The following ENTHD1 variants were observed in gnomAD, a reference collection of about 807,000 sequenced individuals.
The protein encoded by ENTHD1 is ENTH domain containing 1.
ENTHD1 carries 23 observed loss-of-function variants against 39.1 expected under a neutral mutation model. The observed-to-expected ratio is 0.59, with a 90% CI of 0.42 to 0.83. ENTHD1 has a LOEUF of 0.83. Among genes scored for constraint, ENTHD1 ranks in the 40% least tolerant of loss-of-function variants. ENTHD1 has a pLI of 0.00. For missense variants in ENTHD1, 624 were observed against 705.4 expected (o/e 0.88, Z 1.31); for synonymous variants, 230 against 258.2 (o/e 0.89, Z 1.05).
intron 2 of ENTHD1, chr22:39,876,229 T>G (rs1238805751): frequency 8.3e-7 from 1 of 1,199,798 alleles, no homozygotes; most frequent in Non-Finnish European, 1.1e-6. Context: ...GAATTGATGA[T>G]GTATTTGCAA....
chr22:39,793,329 G>A (rs2146604338), intron 5 of ENTHD1, among the ~76,000 whole-genome samples: 1 of 147,558 alleles, frequency 6.8e-6, no homozygotes, highest in African/African-American at 2.5e-5. Flanking sequence ...CTTTTTAATG[G>A]GATTATTAGT....
chr22:39,858,517 T>A (rs1445091307), intron 3 of ENTHD1, among the ~76,000 whole-genome samples: 1 of 152,230 alleles, frequency 6.6e-6, no homozygotes, highest in Non-Finnish European at 1.5e-5. Flanking sequence ...GAGTGGTGAA[T>A]CTTTTCCAGA....
rs1428309043 is a variant in ENTHD1, at chr22:39,840,042, G to A, written c.593-4084C>T. ...ACTGGAAGTGAGGTGTGCTTAATTAGATTTGGTAATTACACAACATTTATT... is the reference window on the plus strand; with the variant it reads ...ACTGGAAGTGAGGTGTGCTTAATTAAATTTGGTAATTACACAACATTTATT... On this transcript the variant is annotated intron_variant, in intron 3 of 6. Coordinates refer to ENST00000325157, the MANE Select transcript of ENTHD1 (RefSeq NM_152512.4). 1.3e-5 allele frequency among the ~76,000 whole-genome samples: 2 copies of A among 152,174 alleles called. 1 individual carries two copies. The highest frequency in any genetic ancestry group is 4.8e-5 in the African/African-American group (2 of 41,446).
chr22:39,875,859 T>C lies in ENTHD1; in HGVS notation c.349+11541A>G. ...AAGGAAATTAAGCAGGAAGCTGCAGTTGAATTATCACAGTTGAGGGACCCA... is the reference window on the plus strand; with the variant it reads ...AAGGAAATTAAGCAGGAAGCTGCAGCTGAATTATCACAGTTGAGGGACCCA... On this transcript the variant is annotated intron_variant, in intron 2 of 6. Transcript: ENST00000325157. 7 of 1,613,944 alleles carry C rather than the reference T, an allele frequency of 4.3e-6. No homozygotes were observed. The South Asian group carries it at 6.6e-5, about 15-fold the overall frequency.
chr22:39,837,007 T>C (rs1025975650), intron 3 of ENTHD1, among the ~76,000 whole-genome samples: 2 of 152,214 alleles, frequency 1.3e-5, no homozygotes, highest in African/African-American at 4.8e-5. Flanking sequence ...AATTTGAGAA[T>C]GTACTAATAC....
At chr22:39,814,494 G>A (rs2065718716) in intron 5 of ENTHD1, among the ~76,000 whole-genome samples, 1 of 152,076 alleles carries the variant, frequency 6.6e-6, no homozygotes, top group South Asian at 2.1e-4. Context: ...CATTCCTGAT[G>A]AAAGAAAAGT....
At chr22:39,820,720 AC>A (rs1454405780) in intron 5 of ENTHD1, among the ~76,000 whole-genome samples, 1 of 152,222 alleles carries the variant, frequency 6.6e-6, no homozygotes, top group African/African-American at 2.4e-5. Context: ...AAAAACAGGA[AC>A]TAAAATTAAT....
intron 5 of ENTHD1, among the ~76,000 whole-genome samples, chr22:39,769,372 T>C (rs1049501150): frequency 1.3e-5 from 2 of 151,746 alleles, no homozygotes; most frequent in Admixed American, 6.6e-5. Flanking sequence ...CAATAAAGAG[T>C]ATATGAACAA....
chr22:39,746,371 T>C (rs2065105145), intron 6 of ENTHD1, among the ~76,000 whole-genome samples: 1 of 152,154 alleles, frequency 6.6e-6, no homozygotes, highest in Non-Finnish European at 1.5e-5. Context: ...TCACATACTG[T>C]ATTCTCTTAT....
At chr22:39,879,462 CAAAAAAAAAA>C (rs34372930) in intron 2 of ENTHD1, among the ~76,000 whole-genome samples, 82 of 16,450 alleles carry the variant, frequency 5.0e-3, no homozygotes, top group African/African-American at 6.4e-3. Context: ...GACTCTGTCT[CAAAAAAAAAA>C]AAAAAAAAAA....
chr22:39,828,722 G>A (rs2065844389), intron 4 of ENTHD1, among the ~76,000 whole-genome samples: 1 of 152,110 alleles, frequency 6.6e-6, no homozygotes, highest in Non-Finnish European at 1.5e-5. Context: ...AACAGGAAAA[G>A]AGTAAGGTCT....
At chr22:39,769,131 A>T (rs996515675) in intron 5 of ENTHD1, among the ~76,000 whole-genome samples, 2 of 152,260 alleles carry the variant, frequency 1.3e-5, no homozygotes, top group East Asian at 3.9e-4. Flanking sequence ...TGTATGTACA[A>T]TAAACACATA....
chr22:39,847,883 T>C (rs1262618060), intron 3 of ENTHD1, among the ~76,000 whole-genome samples: 1 of 152,238 alleles, frequency 6.6e-6, no homozygotes, highest in Non-Finnish European at 1.5e-5. Flanking sequence ...CAACCATTTA[T>C]TATCTCGCAG....
At chr22:39,779,618 C>T (rs746020199) in intron 5 of ENTHD1, among the ~76,000 whole-genome samples, 1 of 151,652 alleles carries the variant, frequency 6.6e-6, no homozygotes, top group Non-Finnish European at 1.5e-5. Flanking sequence ...CATGGACAAG[C>T]CAGAATACTC....
chr22:39,782,286 C>CA lies in ENTHD1; in HGVS notation c.833-16678dup, dbSNP rs530722460. Among the ~76,000 whole-genome samples the CA allele has an allele frequency of 5.9e-5, 9 of 151,672 alleles. No homozygotes were observed. The South Asian group carries it at 1.9e-3, about 32-fold the overall frequency. On this transcript the variant is annotated intron_variant, in intron 5 of 6. Coordinates refer to ENST00000325157, the MANE Select transcript of ENTHD1 (RefSeq NM_152512.4). ...TGGGCAACAGAGAGAGACTCTGTCT[C>CA]AAAAAAAGAACCAGTAACAAGATCA...
At chr22:39,860,969 T>C (rs2066135002) in intron 3 of ENTHD1, among the ~76,000 whole-genome samples, 2 of 152,170 alleles carry the variant, frequency 1.3e-5, no homozygotes, top group South Asian at 2.1e-4. Flanking sequence ...AAGGAAAGGG[T>C]AAAAGGTATT....
chr22:39,852,088 T>A (rs2066044957), intron 3 of ENTHD1, among the ~76,000 whole-genome samples: 1 of 152,026 alleles, frequency 6.6e-6, no homozygotes, highest in South Asian at 2.1e-4. Context: ...ATCCTAGCAC[T>A]GTGGGAGGCT....
At position 39,744,095 on chromosome 22, in the gene ENTHD1, G is replaced by A. The variant is rs1762366456; in HGVS notation, c.1408C>T (p.His470Tyr). 6.2e-7 allele frequency: 1 copy of A among 1,614,142 alleles called. No individual in the cohort carries two copies. Among genetic ancestry groups the A allele is most frequent in the African/African-American group, 1.3e-5 (1 of 75,066 alleles). Residue 470 changes from histidine to tyrosine, a missense_variant, in exon 7 of 7, where the codon CAC becomes TAC. Coordinates refer to ENST00000325157, the MANE Select transcript of ENTHD1 (RefSeq NM_152512.4). Reference sequence around the variant, plus strand: ...ACTGGGCCCCTAGAAGCAAAGGAGTGATGCAGCTTGGCTGTCTTATCTTCA... The same window carrying A: ...ACTGGGCCCCTAGAAGCAAAGGAGTAATGCAGCTTGGCTGTCTTATCTTCA... ...KDEDKTAKLHHSFASRGPVSS... is the reference protein window; with the variant it reads ...KDEDKTAKLHYSFASRGPVSS...
chr22:39,840,543 G>C (rs945877514), intron 3 of ENTHD1, among the ~76,000 whole-genome samples: 3 of 152,020 alleles, frequency 2.0e-5, no homozygotes, highest in African/African-American at 7.2e-5. Context: ...TGTCCTTTTA[G>C]GTGTAATGTA....
Sources: gnomAD v4.1 joint callset for allele counts (sites outside exome capture counted in the v4.1 genomes callset) on GRCh38, gnomAD v4.1.1 for gene constraint, MANE v1.5 for transcripts, NCBI Gene and HGNC (gene_info 2026-07-23, HGNC 2026-07-21) for gene names.